Variants in NDST4 observed in about 807,000 individuals in gnomAD.
NDST4 encodes N-deacetylase and N-sulfotransferase 4, also known as N-heparan sulfate sulfotransferase 4.
In NDST4, 63 loss-of-function variants were observed where a neutral mutation model predicts 100.8. That is an observed-to-expected ratio of 0.62 (90% CI 0.51 to 0.77). The LOEUF is 0.77. Ranked by LOEUF, NDST4 falls within the 30% of genes least tolerant of loss-of-function variation. NDST4 has a pLI of 0.00. For synonymous variants in NDST4, 377 were observed against 361.8 expected, an observed-to-expected ratio of 1.04 and a Z score of -0.48; for missense variants, 943 against 1,018.4, an observed-to-expected ratio of 0.93 and a Z score of 1.01.
intron 4 of NDST4, among the ~76,000 whole-genome samples, chr4:114,967,372 C>A (rs1333988828): frequency 3.3e-5 from 5 of 152,082 alleles, no homozygotes; most frequent in African/African-American, 9.7e-5. Context: ...TAGTTTCTAG[C>A]CACGCTGACT....
At chr4:115,111,314 T>G (rs1729947453) in intron 1 of NDST4, among the ~76,000 whole-genome samples, 1 of 151,922 alleles carries the variant, frequency 6.6e-6, no homozygotes, top group South Asian at 2.1e-4. Flanking sequence ...GAAGAAAGAA[T>G]AGGTATAACA....
Position 115,003,481 on chromosome 4 carries a change from T to C in NDST4, c.979-26207A>G, listed in dbSNP as rs1417147258. Reference sequence around the variant, plus strand: ...CAGATTTTATGTCGCCTTTACCTAATTTTATGATGCATTCACCTTTGCCTG... The same window carrying C: ...CAGATTTTATGTCGCCTTTACCTAACTTTATGATGCATTCACCTTTGCCTG... On this transcript the variant is annotated intron_variant, in intron 2 of 13. Transcript: ENST00000264363. Among the ~76,000 whole-genome samples the C allele has an allele frequency of 2.0e-5, 3 of 152,178 alleles. No individual in the cohort carries two copies. In the South Asian group the frequency reaches 6.2e-4, roughly 31 times the overall value.
intron 2 of NDST4, among the ~76,000 whole-genome samples, chr4:115,062,568 A>G (rs1227661115): frequency 6.6e-6 from 1 of 151,810 alleles, no homozygotes. Context: ...GAAATATACT[A>G]TTAGGAGAAG....
At chr4:114,849,537 G>A (rs144779198) in intron 8 of NDST4, among the ~76,000 whole-genome samples, 29 of 152,204 alleles carry the variant, frequency 1.9e-4, no homozygotes, top group Admixed American at 1.2e-3. Flanking sequence ...TGAGATTGCC[G>A]CCCTTTTAGA....
At chr4:114,867,665 C>CTAA (rs1724061211) in intron 7 of NDST4, among the ~76,000 whole-genome samples, 1 of 79,900 alleles carries the variant, frequency 1.3e-5, no homozygotes, top group Non-Finnish European at 2.3e-5. Flanking sequence ...AAAAAAAAAG[C>CTAA]AAAAAAAAAA....
At chr4:115,013,781 G>T (rs529272449) in intron 2 of NDST4, among the ~76,000 whole-genome samples, 1 of 151,978 alleles carries the variant, frequency 6.6e-6, no homozygotes, top group South Asian at 2.1e-4. Context: ...TGAAAAGTAA[G>T]GTCTATTATG....
At chr4:114,988,984 A>G (rs533128899) in intron 2 of NDST4, among the ~76,000 whole-genome samples, 2 of 152,286 alleles carry the variant, frequency 1.3e-5, no homozygotes, top group Admixed American at 1.3e-4. Flanking sequence ...TTTCTTGTGG[A>G]AAGTCTCTCC....
At chr4:114,840,749 T>C (rs1047141256) in intron 10 of NDST4, among the ~76,000 whole-genome samples, 4 of 152,100 alleles carry the variant, frequency 2.6e-5, no homozygotes, top group Admixed American at 2.6e-4. Flanking sequence ...GTAGGGTAAA[T>C]GTGGAAGTAT....
intron 2 of NDST4, among the ~76,000 whole-genome samples, chr4:115,044,170 G>C (rs1387014045): frequency 1.3e-5 from 2 of 152,102 alleles, no homozygotes; most frequent in Non-Finnish European, 2.9e-5. Flanking sequence ...TAGTATCTAG[G>C]TAGGGACTGA....
At chr4:115,014,755 A>G (rs1243347439) in intron 2 of NDST4, among the ~76,000 whole-genome samples, 5 of 152,042 alleles carry the variant, frequency 3.3e-5, no homozygotes, top group Admixed American at 2.6e-4. Context: ...ATTTTGGAGC[A>G]ATGCCTTGTC....
At chr4:115,051,912 T>A (rs2126279226) in intron 2 of NDST4, among the ~76,000 whole-genome samples, 1 of 152,268 alleles carries the variant, frequency 6.6e-6, no homozygotes, top group African/African-American at 2.4e-5. Flanking sequence ...AAATTTACAT[T>A]CTCAGAAAAG....
At chr4:114,847,096 G>GTTCATGCATGATGATGA (rs1462979990) in intron 9 of NDST4, among the ~76,000 whole-genome samples, 4 of 131,516 alleles carry the variant, frequency 3.0e-5, no homozygotes, top group South Asian at 3.0e-4. Context: ...GTGTCTTTCG[G>GTTCATGCATGATGATGA]CCGGGCGCGG....
chr4:114,890,926 G>A (rs1724580324), intron 6 of NDST4, among the ~76,000 whole-genome samples: 1 of 151,942 alleles, frequency 6.6e-6, no homozygotes, highest in Admixed American at 6.6e-5. Context: ...ACCTCCCCCT[G>A]ACTGATTTCT....
chr4:114,835,946 T>C (rs920495546), intron 11 of NDST4, among the ~76,000 whole-genome samples: 8 of 152,212 alleles, frequency 5.3e-5, no homozygotes, highest in African/African-American at 1.9e-4. Context: ...CTGCATTTTT[T>C]TTTCTTTCCA....
intron 1 of NDST4, among the ~76,000 whole-genome samples, chr4:115,092,413 A>G (rs1391363018): frequency 6.6e-6 from 1 of 152,120 alleles, no homozygotes; most frequent in Non-Finnish European, 1.5e-5. Flanking sequence ...CGAATTTCTC[A>G]AACGTAAGAA....
chr4:115,096,370 ACTAT>A (rs1729621394), intron 1 of NDST4, among the ~76,000 whole-genome samples: 1 of 152,046 alleles, frequency 6.6e-6, no homozygotes, highest in African/African-American at 2.4e-5. Context: ...TAGTTCATTA[ACTAT>A]CTTTTCTCCT....
chr4:114,909,639 CCTG>C (rs1225130874), intron 6 of NDST4, among the ~76,000 whole-genome samples: 14 of 139,582 alleles, frequency 1.0e-4, no homozygotes, highest in Admixed American at 1.4e-4. Context: ...TGCAGTCCGG[CCTG>C]CTGGGCGACA....
In NDST4 at chr4:115,064,685, A is replaced by G. The variant is rs559883105; in HGVS notation, c.978+11374T>C. On this transcript the variant is annotated intron_variant, in intron 2 of 13. Coordinates refer to ENST00000264363, the MANE Select transcript of NDST4 (RefSeq NM_022569.3). ...CTTCCTTATAACCAATGAAAGGCAT[A>G]CAAGAGGCTACTATCTCAGTGCATG... 2.0e-5 allele frequency among the ~76,000 whole-genome samples: 3 copies of G among 152,236 alleles called. No individual in the cohort carries two copies. The South Asian group carries it at 6.2e-4, about 32-fold the overall frequency.
intron 4 of NDST4, among the ~76,000 whole-genome samples, chr4:114,942,351 T>C (rs1725768239): frequency 6.6e-6 from 1 of 152,138 alleles, no homozygotes; most frequent in South Asian, 2.1e-4. Flanking sequence ...AGTGTCTTAA[T>C]TTTTGGTGAA....
Sources: allele counts gnomAD v4.1 joint callset (sites outside exome capture counted in the v4.1 genomes callset), GRCh38; gene constraint gnomAD v4.1.1; transcripts MANE v1.5; gene names NCBI Gene and HGNC (gene_info 2026-07-23, HGNC 2026-07-21).